The following LYPD6 variants were observed in gnomAD, a reference collection of about 807,000 sequenced individuals.
The protein encoded by LYPD6 is LY6/PLAUR domain containing 6.
In LYPD6, 15 loss-of-function variants were observed where a neutral mutation model predicts 22.7. The ratio of observed to expected loss-of-function variants is 0.66; its 90% CI spans 0.44 to 1.02. The LOEUF is 1.02. LYPD6 is among the 50% of genes least tolerant of loss of function. LYPD6 has a pLI of 0.00. For synonymous variants in LYPD6, 72 were observed against 77.5 expected (o/e 0.93, Z 0.37); for missense variants, 189 against 208.4 (o/e 0.91, Z 0.57).
intron 1 of LYPD6, among the ~76,000 whole-genome samples, chr2:149,404,289 T>TG (rs1682638457): frequency 6.6e-6 from 1 of 152,216 alleles, no homozygotes; most frequent in South Asian, 2.1e-4. Context: ...GTTAGCTTGA[T>TG]GGGGATGGCA....
Position 149,472,917 on chromosome 2 carries a change from T to C in LYPD6, c.*2067T>C, listed in dbSNP as rs1449407777. 1.3e-5 allele frequency: 2 copies of C among 152,632 alleles called. No homozygotes were observed. The highest frequency in any genetic ancestry group is 1.9e-4 in the East Asian group (1 of 5,188). 9.5% of individuals were successfully genotyped at this position (152,632 alleles called of 1,614,324 possible). On this transcript the variant is annotated 3_prime_UTR_variant, in exon 5 of 5. Transcript: ENST00000334166. ...ACTTCATAGGAATTCATCCATCTTATCATGTGGAGTTTATCTCACCCTGCT... is the reference window on the plus strand; with the variant it reads ...ACTTCATAGGAATTCATCCATCTTACCATGTGGAGTTTATCTCACCCTGCT...
At chr2:149,467,743 T>C (rs1230379521) in intron 3 of LYPD6, among the ~76,000 whole-genome samples, 4 of 152,182 alleles carry the variant, frequency 2.6e-5, no homozygotes, top group Non-Finnish European at 4.4e-5. Context: ...ATTTTCTTTT[T>C]TAATGTGAAA....
chr2:149,430,421 G>A (rs987549177), intron 1 of LYPD6, among the ~76,000 whole-genome samples: 3 of 152,098 alleles, frequency 2.0e-5, no homozygotes, highest in Middle Eastern at 3.2e-3. Flanking sequence ...TTTTAAAGCA[G>A]GGCATATCTT....
intron 1 of LYPD6, among the ~76,000 whole-genome samples, chr2:149,354,721 G>A (rs1031001792): frequency 1.3e-5 from 2 of 152,122 alleles, no homozygotes; most frequent in Non-Finnish European, 2.9e-5. Context: ...AGGGGGCTTG[G>A]AATGCAATTA....
rs1573836090 is a variant in LYPD6, at chr2:149,471,101, A to G, written c.*251A>G. The G allele has an allele frequency of 2.8e-6, 1 of 358,720 alleles. No individual in the cohort carries two copies. The highest frequency in any genetic ancestry group is 5.1e-6 in the Non-Finnish European group (1 of 196,540). 22.2% of individuals were successfully genotyped at this position (358,720 alleles called of 1,614,324 possible). A position where few individuals can be genotyped will look rare whatever the true frequency, so the allele number is the denominator to read the frequency against. Reference sequence around the variant, plus strand: ...TTCCATACCATAAACGTTTGTTTTCATTCCAAGAAGTAGTTCTGCATTTAT... The same window carrying G: ...TTCCATACCATAAACGTTTGTTTTCGTTCCAAGAAGTAGTTCTGCATTTAT... On this transcript the variant is annotated 3_prime_UTR_variant, in exon 5 of 5. Coordinates refer to ENST00000334166, the MANE Select transcript of LYPD6 (RefSeq NM_194317.5).
chr2:149,432,783 A>G (rs546831751), intron 1 of LYPD6, among the ~76,000 whole-genome samples: 15 of 152,262 alleles, frequency 9.9e-5, no homozygotes, highest in South Asian at 4.1e-4. Flanking sequence ...AGGGGAGGGC[A>G]TGGTAAGAGA....
chr2:149,382,177 C>T (rs947378571), intron 1 of LYPD6, among the ~76,000 whole-genome samples: 8 of 151,928 alleles, frequency 5.3e-5, no homozygotes, highest in African/African-American at 1.9e-4. Context: ...CTTTCCAGCC[C>T]AAAAATACAT....
At chr2:149,331,645 G>GT (rs1223136526) in intron 1 of LYPD6, among the ~76,000 whole-genome samples, 1 of 151,962 alleles carries the variant, frequency 6.6e-6, no homozygotes, top group East Asian at 1.9e-4. Flanking sequence ...AGAGAATTGG[G>GT]TGGGGGGGAA....
chr2:149,334,233 A>C, intron 1 of LYPD6, among the ~76,000 whole-genome samples: 1 of 152,180 alleles, frequency 6.6e-6, no homozygotes, highest in East Asian at 1.9e-4. Context: ...TAGAAATGGG[A>C]TAACCAAAAG....
chr2:149,435,129 A>G (rs1037696128), intron 1 of LYPD6, among the ~76,000 whole-genome samples: 1 of 152,202 alleles, frequency 6.6e-6, no homozygotes, highest in Admixed American at 6.5e-5. Flanking sequence ...AGGACTATGC[A>G]TGTAGGGCAA....
chr2:149,371,901 A>T (rs574801847), intron 1 of LYPD6, among the ~76,000 whole-genome samples: 1 of 152,220 alleles, frequency 6.6e-6, no homozygotes, highest in South Asian at 2.1e-4. Flanking sequence ...AGGGAGGGGT[A>T]TTGGACCATC....
intron 1 of LYPD6, among the ~76,000 whole-genome samples, chr2:149,418,268 A>G (rs899442265): frequency 6.6e-6 from 1 of 152,200 alleles, no homozygotes; most frequent in African/African-American, 2.4e-5. Context: ...GGAAACCCCC[A>G]CATTCTTACT....
intron 1 of LYPD6, among the ~76,000 whole-genome samples, chr2:149,429,230 C>A (rs1280904451): frequency 2.6e-5 from 4 of 152,178 alleles, no homozygotes; most frequent in African/African-American, 9.7e-5. Flanking sequence ...CAAAGATGGA[C>A]CTCCCTCCTT....
chr2:149,357,033 T>C (rs1265085335), intron 1 of LYPD6, among the ~76,000 whole-genome samples: 2 of 152,218 alleles, frequency 1.3e-5, no homozygotes, highest in Non-Finnish European at 2.9e-5. Flanking sequence ...ATAGGAGCCA[T>C]TCTGTGTTTT....
chr2:149,376,543 T>C (rs1402255636), intron 1 of LYPD6, among the ~76,000 whole-genome samples: 1 of 152,142 alleles, frequency 6.6e-6, no homozygotes, highest in African/African-American at 2.4e-5. Context: ...ATACTACTAA[T>C]AATAACTACT....
chr2:149,407,876 G>C (rs1026997850), intron 1 of LYPD6, among the ~76,000 whole-genome samples: 5 of 152,060 alleles, frequency 3.3e-5, no homozygotes, highest in African/African-American at 1.2e-4. Flanking sequence ...ATCTACTTTT[G>C]GTCTTTGATG....
chr2:149,388,299 A>C (rs572350811), intron 1 of LYPD6, among the ~76,000 whole-genome samples: 1 of 152,168 alleles, frequency 6.6e-6, no homozygotes, highest in Non-Finnish European at 1.5e-5. Context: ...ACAAGGGCGC[A>C]GGGTTAGCCT....
At chr2:149,396,118 G>T (rs1682423501) in intron 1 of LYPD6, among the ~76,000 whole-genome samples, 2 of 152,104 alleles carry the variant, frequency 1.3e-5, no homozygotes, top group South Asian at 4.1e-4. Flanking sequence ...CCAGTTTAAT[G>T]ATATGGACTT....
At chr2:149,461,893 ACTT>A (rs895571355) in intron 3 of LYPD6, among the ~76,000 whole-genome samples, 9 of 152,004 alleles carry the variant, frequency 5.9e-5, no homozygotes, top group African/African-American at 2.2e-4. Flanking sequence ...ATAGCGAGAA[ACTT>A]CTTCAACTTG....
Sources: gnomAD v4.1 joint callset for allele counts (sites outside exome capture counted in the v4.1 genomes callset) on GRCh38, gnomAD v4.1.1 for gene constraint, MANE v1.5 for transcripts, NCBI Gene and HGNC (gene_info 2026-07-23, HGNC 2026-07-21) for gene names.